Variants in MAF observed in about 807,000 individuals in gnomAD.
MAF encodes transcription factor Maf.
MAF carries 10 observed loss-of-function variants against 22.0 expected under a neutral mutation model. That is an observed-to-expected ratio of 0.45 (90% CI 0.28 to 0.77). The LOEUF (loss-of-function observed/expected upper bound fraction) is 0.77, where lower values mean the gene tolerates loss of function less well. MAF is among the 30% of genes least tolerant of loss of function. MAF has a pLI of 0.12. For synonymous variants in MAF, 337 were observed against 255.8 expected (o/e 1.32, Z -3.03); for missense variants, 544 against 548.4 (o/e 0.99, Z 0.08).
the MAF span, among the ~76,000 whole-genome samples, chr16:79,317,363 C>A: frequency 1.4e-5 from 2 of 144,706 alleles, no homozygotes; most frequent in African/African-American, 5.1e-5. Context: ...CTTCTTCCCT[C>A]CTTTTCTCCC....
At chr16:79,512,010 C>A in the MAF span, among the ~76,000 whole-genome samples, 1 of 152,214 alleles carries the variant, frequency 6.6e-6, no homozygotes, top group East Asian at 1.9e-4. Context: ...TCTCTCTAAC[C>A]TGACACCCAG....
At chr16:79,403,509 G>T in the MAF span, among the ~76,000 whole-genome samples, 1 of 152,258 alleles carries the variant, frequency 6.6e-6, no homozygotes, top group Admixed American at 6.5e-5. Flanking sequence ...CATGCCCACT[G>T]CCAGGAACAC....
chr16:79,471,018 C>T, the MAF span, among the ~76,000 whole-genome samples: 3 of 152,182 alleles, frequency 2.0e-5, no homozygotes, highest in African/African-American at 7.2e-5. Flanking sequence ...TATCACATCA[C>T]CTCCCACCCT....
At chr16:79,598,584 G>GTT in intron 1 of MAF, 1 of 1,011,094 alleles carries the variant, frequency 9.9e-7, no homozygotes, top group Non-Finnish European at 1.3e-6. Context: ...GGTGTGGGGT[G>GTT]TGTGTGTGTG....
At chr16:79,491,685 A>G in the MAF span, among the ~76,000 whole-genome samples, 1 of 152,188 alleles carries the variant, frequency 6.6e-6, no homozygotes, top group Admixed American at 6.5e-5. Context: ...CCAGACAAGT[A>G]AATTACGCCA....
At chr16:79,539,290 G>C in the MAF span, among the ~76,000 whole-genome samples, 1 of 152,206 alleles carries the variant, frequency 6.6e-6, no homozygotes, top group Non-Finnish European at 1.5e-5. Flanking sequence ...GATAACCTGA[G>C]GGCAGGAGTT....
At chr16:79,206,280 C>T in the MAF span, 7 of 152,186 alleles carry the variant, frequency 4.6e-5, no homozygotes, top group Admixed American at 3.3e-4. Flanking sequence ...GCCGGAGCCC[C>T]GTGGAAGACA....
the MAF span, among the ~76,000 whole-genome samples, chr16:79,438,277 T>C: frequency 6.6e-6 from 1 of 152,192 alleles, no homozygotes; most frequent in Non-Finnish European, 1.5e-5. Flanking sequence ...CGAGTCATTA[T>C]TAACTCAGCA....
the MAF span, among the ~76,000 whole-genome samples, chr16:79,282,788 A>G: frequency 6.6e-6 from 1 of 152,170 alleles, no homozygotes; most frequent in Admixed American, 6.5e-5. Flanking sequence ...TCTCCCTTGA[A>G]CAGTATTTTA....
At chr16:79,562,850 C>G in the MAF span, among the ~76,000 whole-genome samples, 1 of 152,218 alleles carries the variant, frequency 6.6e-6, no homozygotes, top group African/African-American at 2.4e-5. Flanking sequence ...ACTTGCCTGC[C>G]TGGATTCAGG....
the MAF span, among the ~76,000 whole-genome samples, chr16:79,456,065 T>C: frequency 6.6e-6 from 1 of 152,090 alleles, no homozygotes; most frequent in Non-Finnish European, 1.5e-5. Context: ...AATGTGGACA[T>C]TCCTTTGGTG....
the MAF span, among the ~76,000 whole-genome samples, chr16:79,215,482 T>A: frequency 6.6e-6 from 1 of 152,188 alleles, no homozygotes; most frequent in Non-Finnish European, 1.5e-5. Context: ...TATTGGCGTA[T>A]CATCAGCCAA....
the MAF span, among the ~76,000 whole-genome samples, chr16:79,229,950 C>T: frequency 6.6e-6 from 1 of 151,862 alleles, no homozygotes; most frequent in African/African-American, 2.4e-5. Flanking sequence ...CACACAGCCC[C>T]GCCATCTAAT....
At chr16:79,499,480 T>C in the MAF span, among the ~76,000 whole-genome samples, 2 of 152,202 alleles carry the variant, frequency 1.3e-5, no homozygotes, top group South Asian at 2.1e-4. Context: ...TGTTCATGTT[T>C]CCCTAAAATT....
chr16:79,209,285 T>C, the MAF span, among the ~76,000 whole-genome samples: 1 of 152,212 alleles, frequency 6.6e-6, no homozygotes, highest in Non-Finnish European at 1.5e-5. Context: ...TCTGAATCAA[T>C]GGGACTGCAG....
the MAF span, among the ~76,000 whole-genome samples, chr16:79,569,617 C>T: frequency 2.0e-5 from 3 of 152,188 alleles, no homozygotes; most frequent in African/African-American, 7.2e-5. Context: ...TTCTGATGTT[C>T]ACTGAAGTTT....
chr16:79,404,356 G>C, the MAF span, among the ~76,000 whole-genome samples: 3 of 152,002 alleles, frequency 2.0e-5, no homozygotes, highest in African/African-American at 7.3e-5. Context: ...TAGAGACTGG[G>C]TTTCACCATG....
At chr16:79,348,370 G>A in the MAF span, among the ~76,000 whole-genome samples, 1 of 152,334 alleles carries the variant, frequency 6.6e-6, no homozygotes, top group Admixed American at 6.5e-5. Flanking sequence ...ATAAGAATAT[G>A]ATCGGGGTTT....
the MAF span, among the ~76,000 whole-genome samples, chr16:79,569,580 C>G: frequency 6.6e-6 from 1 of 152,288 alleles, no homozygotes; most frequent in African/African-American, 2.4e-5. Context: ...GAATCGGAAA[C>G]TCGGGGTGAG....
Sources: gnomAD v4.1 joint callset for allele counts (sites outside exome capture counted in the v4.1 genomes callset) on GRCh38, gnomAD v4.1.1 for gene constraint, MANE v1.5 for transcripts, NCBI Gene and HGNC (gene_info 2026-07-23, HGNC 2026-07-21) for gene names.